Variants in RAB38 observed in about 807,000 individuals in gnomAD.
RAB38 encodes the protein ras-related protein Rab-38.
RAB38 carries 15 observed loss-of-function variants against 18.4 expected under a neutral mutation model. That is an observed-to-expected ratio of 0.82 (90% CI 0.55 to 1.26). RAB38 has a LOEUF of 1.26. Among genes scored for constraint, RAB38 ranks in the 50% most tolerant of loss-of-function variants. RAB38 has a pLI of 0.00. For missense variants in RAB38, 294 were observed against 267.4 expected (o/e 1.10, Z -0.69); for synonymous variants, 101 against 104.4 (o/e 0.97, Z 0.20).
the RAB38 span, among the ~76,000 whole-genome samples, chr11:87,869,824 G>A: frequency 2.0e-5 from 3 of 151,772 alleles, no homozygotes; most frequent in South Asian, 4.2e-4. Context: ...TGAAGGAGAT[G>A]AGCAGTATTA....
chr11:87,976,733 AAT>A, the RAB38 span, among the ~76,000 whole-genome samples: 1 of 119,146 alleles, frequency 8.4e-6, no homozygotes, highest in East Asian at 2.5e-4. Context: ...TATTTTATAT[AAT>A]ATATATTTAT....
In RAB38 at chr11:88,125,967, C is replaced by T. The variant is rs554735166; in HGVS notation, c.484-11827G>A. On this transcript the variant is annotated intron_variant, in intron 2 of 2. Transcript: ENST00000243662. ...AGTTTTCCCAGCACCATTTATTAAA[C>T]AGGGAATCCTTTCCCCATTTCTTGT... Among the ~76,000 whole-genome samples, 15 of 152,256 alleles carry T rather than the reference C, an allele frequency of 9.9e-5. No homozygotes were observed. In the South Asian group the frequency reaches 3.1e-3, roughly 32 times the overall value.
chr11:87,807,576 A>G, the RAB38 span, among the ~76,000 whole-genome samples: 105 of 152,350 alleles, frequency 6.9e-4, 1 homozygote, highest in African/African-American at 2.4e-3. Context: ...ATTTAATATA[A>G]AAATTGTTTT....
At chr11:88,049,706 C>G in the RAB38 span, among the ~76,000 whole-genome samples, 1 of 152,212 alleles carries the variant, frequency 6.6e-6, no homozygotes, top group Admixed American at 6.5e-5. Flanking sequence ...GCTCTTTGCT[C>G]CGTGAGAAAG....
the RAB38 span, among the ~76,000 whole-genome samples, chr11:88,095,388 A>C: frequency 1.3e-5 from 2 of 151,800 alleles, no homozygotes; most frequent in African/African-American, 4.8e-5. Flanking sequence ...ATATCTTCTC[A>C]GTCCTCATCC....
chr11:88,067,487 A>G, the RAB38 span, among the ~76,000 whole-genome samples: 9 of 152,306 alleles, frequency 5.9e-5, no homozygotes, highest in Middle Eastern at 3.4e-3. Flanking sequence ...CATGAGCTCT[A>G]TATTAAAAAG....
At chr11:87,977,478 ATAAT>A in the RAB38 span, among the ~76,000 whole-genome samples, 41 of 44,896 alleles carry the variant, frequency 9.1e-4, 1 homozygote, top group East Asian at 0.013. Flanking sequence ...TATTACATAT[ATAAT>A]TATATATAAT....
chr11:87,929,080 CCT>C, the RAB38 span, among the ~76,000 whole-genome samples: 3 of 151,830 alleles, frequency 2.0e-5, no homozygotes, highest in Non-Finnish European at 4.4e-5. Context: ...ACAACACTGC[CCT>C]CCAGCCTGGG....
At chr11:87,958,260 C>T in the RAB38 span, among the ~76,000 whole-genome samples, 6 of 152,138 alleles carry the variant, frequency 3.9e-5, no homozygotes, top group East Asian at 1.9e-4. Context: ...TAAGTAGGCT[C>T]GGCTAAGCTA....
the RAB38 span, among the ~76,000 whole-genome samples, chr11:87,930,017 A>G: frequency 1.8e-4 from 28 of 152,154 alleles, no homozygotes; most frequent in Non-Finnish European, 3.1e-4. Flanking sequence ...TAGTGCCGCA[A>G]TAAACATACG....
chr11:87,823,781 G>C, the RAB38 span, among the ~76,000 whole-genome samples: 2 of 151,940 alleles, frequency 1.3e-5, no homozygotes, highest in African/African-American at 4.8e-5. Context: ...AATAAAATAT[G>C]ATATGTTCAT....
chr11:87,952,256 G>A, the RAB38 span, among the ~76,000 whole-genome samples: 1 of 152,124 alleles, frequency 6.6e-6, no homozygotes, highest in African/African-American at 2.4e-5. Context: ...TCAAAGTCTT[G>A]AGCTTCATCC....
the RAB38 span, among the ~76,000 whole-genome samples, chr11:88,028,379 G>T: frequency 1.3e-5 from 2 of 152,224 alleles, no homozygotes; most frequent in Non-Finnish European, 2.9e-5. Flanking sequence ...GCTGGAAAGA[G>T]AATGACTTTG....
At chr11:88,025,079 G>T in the RAB38 span, among the ~76,000 whole-genome samples, 1 of 151,862 alleles carries the variant, frequency 6.6e-6, no homozygotes, top group African/African-American at 2.4e-5. Context: ...AATTTTCCAT[G>T]ATGCGATTAT....
At chr11:88,062,624 C>T in the RAB38 span, among the ~76,000 whole-genome samples, 1 of 152,186 alleles carries the variant, frequency 6.6e-6, no homozygotes, top group Non-Finnish European at 1.5e-5. Flanking sequence ...AGCACAGTAG[C>T]TGCTTAAAGT....
downstream of RAB38, among the ~76,000 whole-genome samples, chr11:88,108,529 T>A (rs1039400253): frequency 6.6e-6 from 1 of 152,228 alleles, no homozygotes; most frequent in African/African-American, 2.4e-5. Flanking sequence ...TTTGAGCCTA[T>A]GTGTGTCTCT....
the RAB38 span, among the ~76,000 whole-genome samples, chr11:87,976,726 T>A: frequency 1.7e-5 from 2 of 119,768 alleles, no homozygotes; most frequent in African/African-American, 6.7e-5. Context: ...TTCTATATAT[T>A]TTATATAATA....
the RAB38 span, among the ~76,000 whole-genome samples, chr11:87,947,460 C>G: frequency 0.055 from 8,381 of 152,052 alleles, 335 homozygotes; most frequent in Non-Finnish European, 0.086. Context: ...TGAAGTCCTT[C>G]CCCATGCCTA....
chr11:87,838,437 C>T, the RAB38 span, among the ~76,000 whole-genome samples: 1 of 152,150 alleles, frequency 6.6e-6, no homozygotes, highest in African/African-American at 2.4e-5. Context: ...TTTTATGCAA[C>T]AACCAGCCTC....
Sources: gnomAD v4.1 joint callset for allele counts (sites outside exome capture counted in the v4.1 genomes callset) on GRCh38, gnomAD v4.1.1 for gene constraint, MANE v1.5 for transcripts, NCBI Gene and HGNC (gene_info 2026-07-23, HGNC 2026-07-21) for gene names.